The following HSD17B4 variants were observed in gnomAD, a reference collection of about 807,000 sequenced individuals.
HSD17B4 encodes peroxisomal multifunctional enzyme type 2.
A neutral mutation model predicts 101.0 loss-of-function variants in HSD17B4; 70 were observed. The ratio of observed to expected loss-of-function variants is 0.69; its 90% CI spans 0.57 to 0.85. The LOEUF (loss-of-function observed/expected upper bound fraction) is 0.85, where lower values mean the gene tolerates loss of function less well. Among genes scored for constraint, HSD17B4 ranks in the 40% least tolerant of loss-of-function variants. The pLI, the probability that HSD17B4 is intolerant of heterozygous loss-of-function variation, is 0.00. For missense variants in HSD17B4, 984 were observed against 892.4 expected (o/e 1.10, Z -1.31); for synonymous variants, 347 against 297.1 (o/e 1.17, Z -1.73).
chr5:119,493,009 T>C (rs1448318808), intron 10 of HSD17B4: 1 of 152,146 alleles, frequency 6.6e-6, no homozygotes, highest in East Asian at 1.9e-4. Flanking sequence ...TGGCTTATAT[T>C]CTTGAAGCAT....
intron 1 of HSD17B4, among the ~76,000 whole-genome samples, chr5:119,453,921 C>G (rs907194732): frequency 1.3e-5 from 2 of 152,088 alleles, no homozygotes; most frequent in African/African-American, 4.8e-5. Flanking sequence ...TGCAGGAGGT[C>G]CAGGGATTAC....
chr5:119,497,334 A>G (rs557081528), intron 12 of HSD17B4, among the ~76,000 whole-genome samples: 96 of 152,358 alleles, frequency 6.3e-4, no homozygotes, highest in Non-Finnish European at 1.2e-3. Context: ...AAAAGGGAGT[A>G]GTACCTCAAC....
At chr5:119,520,281 C>T (rs1224573643) in intron 17 of HSD17B4, among the ~76,000 whole-genome samples, 2 of 151,960 alleles carry the variant, frequency 1.3e-5, no homozygotes, top group Non-Finnish European at 2.9e-5. Flanking sequence ...TCCAAGATGG[C>T]TTCTTTTGCA....
intron 2 of HSD17B4, among the ~76,000 whole-genome samples, chr5:119,458,547 C>T (rs1486759081): frequency 6.6e-6 from 1 of 150,384 alleles, no homozygotes; most frequent in East Asian, 1.9e-4. Context: ...TGCGGTTTCA[C>T]CATCTTGGCC....
In HSD17B4 at chr5:119,526,130, A is replaced by G. The variant is rs1024541101; in HGVS notation, c.1680+107A>G. Reference sequence around the variant, plus strand: ...TGAAAATAGATATTGTACTACAGCAATGTACATTTTTATTATTTCATTGAC... The same window carrying G: ...TGAAAATAGATATTGTACTACAGCAGTGTACATTTTTATTATTTCATTGAC... On this transcript the variant is annotated intron_variant, in intron 19 of 23. Transcript: ENST00000510025. The G allele has an allele frequency of 7.3e-5, 54 of 739,144 alleles. 1 individual carries two copies. Among genetic ancestry groups the G allele is most frequent in the South Asian group, 5.2e-4 (36 of 68,654 alleles). The allele number at this position is 739,144 out of a possible 1,614,324, so 45.8% of individuals were successfully genotyped here. A position where few individuals can be genotyped will look rare whatever the true frequency, so the allele number is the denominator to read the frequency against.
rs536604558 is a variant in HSD17B4, at chr5:119,452,830, C to G, written c.58+197C>G. 36 of 1,535,940 alleles carry G rather than the reference C, an allele frequency of 2.3e-5. No individual in the cohort carries two copies. The African/African-American group carries it at 3.1e-4, about 13-fold the overall frequency. ...CCTGGTCTCTCAAGCAGGTACAGCCCGCTTCTCCCCAGCACCCCGGTGTGG... is the reference window on the plus strand; with the variant it reads ...CCTGGTCTCTCAAGCAGGTACAGCCGGCTTCTCCCCAGCACCCCGGTGTGG... On this transcript the variant is annotated intron_variant, in intron 1 of 23. Coordinates refer to ENST00000510025, the MANE Select transcript of HSD17B4 (RefSeq NM_000414.4).
rs142008428 is a variant in HSD17B4, at chr5:119,466,709, A to G, written c.113-7199A>G. Among the ~76,000 whole-genome samples the G allele has an allele frequency of 9.3e-5, 14 of 151,330 alleles. 1 individual carries two copies. Among genetic ancestry groups the G allele is most frequent in the Admixed American group, 7.9e-4 (12 of 15,208 alleles). On this transcript the variant is annotated intron_variant, in intron 2 of 23. Coordinates refer to ENST00000510025, the MANE Select transcript of HSD17B4 (RefSeq NM_000414.4). ...TTCTTATTCTAGCTAATGAATTGTC[A>G]GTTTTGTTTATCTTTTCAAAAAACC...
Position 119,479,022 on chromosome 5 carries a change from GTAAGTAAGCAAGCTTATATT to G in HSD17B4, c.622+3_622+22del, listed in dbSNP as rs777556109. The G allele has an allele frequency of 1.2e-6, 2 of 1,610,070 alleles. No homozygotes were observed. Among genetic ancestry groups the G allele is most frequent in the Non-Finnish European group, 8.5e-7 (1 of 1,176,438 alleles). On this transcript the variant is annotated splice_donor_variant and splice_donor_5th_base_variant and intron_variant, in intron 8 of 23. Coordinates refer to ENST00000510025, the MANE Select transcript of HSD17B4 (RefSeq NM_000414.4). LOFTEE classifies it high-confidence loss of function. ...ATGACTCAGACAGTTATGCCTGAAGGTAAGTAAGCAAGCTTATATTTTTCAGTGCTGTTACTTACAAACCT... is the reference window on the plus strand; with the variant it reads ...ATGACTCAGACAGTTATGCCTGAAGGTTTCAGTGCTGTTACTTACAAACCT...
At chr5:119,494,064 T>G in intron 11 of HSD17B4, 118 bp downstream of exon 11, 1 of 996,284 alleles carries the variant, frequency 1.0e-6, no homozygotes, top group Non-Finnish European at 1.6e-6. Flanking sequence ...GAATCGTCTA[T>G]AGCATATTTT....
intron 1 of HSD17B4, among the ~76,000 whole-genome samples, chr5:119,453,953 C>A (rs546204127): frequency 6.6e-6 from 1 of 152,306 alleles, no homozygotes; most frequent in East Asian, 1.9e-4. Flanking sequence ...TTTTTGCCAT[C>A]GCTAAGGAGA....
intron 20 of HSD17B4, 104 bp from the exon 21 acceptor site, chr5:119,529,790 A>T (rs1753899085): frequency 1.4e-6 from 1 of 717,784 alleles, no homozygotes; most frequent in Non-Finnish European, 2.5e-6. Context: ...ATTCTTTTTC[A>T]TATGAGGCAA....
At chr5:119,456,389 T>C in intron 2 of HSD17B4, 21 bp downstream of exon 2, 7 of 1,484,080 alleles carry the variant, frequency 4.7e-6, no homozygotes, top group Non-Finnish European at 6.6e-6. Context: ...GTGTTTTTCT[T>C]TTTAATCTGT....
At chr5:119,480,224 T>G (rs1170764121) in intron 8 of HSD17B4, among the ~76,000 whole-genome samples, 1 of 152,190 alleles carries the variant, frequency 6.6e-6, no homozygotes, top group Non-Finnish European at 1.5e-5. Context: ...TTTGTATATT[T>G]TAGAAACAAG....
intron 17 of HSD17B4, 56 bp from the exon 18 acceptor site, chr5:119,525,160 T>C: frequency 8.4e-7 from 1 of 1,190,744 alleles, no homozygotes; most frequent in South Asian, 1.2e-5. Flanking sequence ...CTATTTTTCA[T>C]TTAATGTATT....
intron 1 of HSD17B4, 78 bp from the exon 2 acceptor site, chr5:119,456,237 A>G: frequency 3.5e-6 from 3 of 869,440 alleles, no homozygotes; most frequent in Non-Finnish European, 6.0e-6. Context: ...AATTTCTTTA[A>G]ATGGGGATTG....
intron 17 of HSD17B4, among the ~76,000 whole-genome samples, chr5:119,517,154 C>A (rs1752691191): frequency 6.6e-6 from 1 of 152,202 alleles, no homozygotes; most frequent in South Asian, 2.1e-4. Context: ...CGCAGGCCAG[C>A]TTGAGTTCTG....
chr5:119,509,455 A>G (rs1751972301), intron 16 of HSD17B4: 1 of 684,350 alleles, frequency 1.5e-6, no homozygotes, highest in Non-Finnish European at 2.7e-6. Context: ...GATGATGAGG[A>G]TGAAGACCTT....
Position 119,486,475 on chromosome 5 carries a change from AT to A in HSD17B4, c.623-2709del, listed in dbSNP as rs543519862. On this transcript the variant is annotated intron_variant, in intron 8 of 23. Coordinates refer to ENST00000510025, the MANE Select transcript of HSD17B4 (RefSeq NM_000414.4). ...GAGAATATTCATTCCCTTACCTTTA[AT>A]TTTTTTTAATAAAAATTGCATGAAT... Among the ~76,000 whole-genome samples the A allele has an allele frequency of 2.8e-3, 427 of 151,886 alleles. 1 individual carries two copies. Among genetic ancestry groups the A allele is most frequent in the Non-Finnish European group, 4.4e-3 (302 of 67,904 alleles).
intron 2 of HSD17B4, among the ~76,000 whole-genome samples, chr5:119,462,043 T>TA (rs1304620919): frequency 2.0e-5 from 3 of 151,616 alleles, no homozygotes; most frequent in African/African-American, 7.3e-5. Flanking sequence ...AGATTTATGT[T>TA]AAAAAAAACC....
Sources: gnomAD v4.1 joint callset for allele counts (sites outside exome capture counted in the v4.1 genomes callset) on GRCh38, gnomAD v4.1.1 for gene constraint, MANE v1.5 for transcripts, NCBI Gene and HGNC (gene_info 2026-07-23, HGNC 2026-07-21) for gene names.